MYO7A: variants seen among roughly 807,000 people sequenced by gnomAD.
MYO7A encodes the protein unconventional myosin-VIIa.
Under a neutral mutation model 263.8 loss-of-function variants are expected in MYO7A, and 210 were observed. The ratio of observed to expected loss-of-function variants is 0.80; its 90% CI spans 0.71 to 0.89. The LOEUF (loss-of-function observed/expected upper bound fraction) is 0.89. MYO7A is among the 40% of genes least tolerant of loss of function. The pLI is 0.00. For missense variants in MYO7A, 2,820 were observed against 2,968.3 expected (o/e 0.95, Z 1.16); for synonymous variants, 1,239 against 1,197.3 (o/e 1.03, Z -0.72).
chr11:77,184,221 A>G (rs1955486272), intron 26 of MYO7A, among the ~76,000 whole-genome samples: 1 of 151,964 alleles, frequency 6.6e-6, no homozygotes, highest in Non-Finnish European at 1.5e-5. Context: ...TGCCACAGTT[A>G]TGTTGGCGGG....
rs1215158514 is a variant in MYO7A at position 77,195,756 on chromosome 11, G to GT, written c.4323+1237dup. On this transcript the variant is annotated intron_variant, in intron 32 of 48. Coordinates refer to ENST00000409709, the MANE Select transcript of MYO7A (RefSeq NM_000260.4). Reference sequence around the variant, plus strand: ...ATAGAATGGACAGTTGTGAATCACAGTTTTTGTAGGGTGGGAGGGTGCATT... The same window carrying GT: ...ATAGAATGGACAGTTGTGAATCACAGTTTTTTGTAGGGTGGGAGGGTGCATT... Among the ~76,000 whole-genome samples the GT allele has an allele frequency of 3.9e-5, 6 of 152,334 alleles. No homozygotes were observed. The South Asian group carries it at 1.2e-3, about 32-fold the overall frequency.
chr11:77,148,058 G>A, intron 4 of MYO7A, 108 bp downstream of exon 4: 1 of 1,040,850 alleles, frequency 9.6e-7, no homozygotes, highest in Non-Finnish European at 1.3e-6. Flanking sequence ...CCGGGGCCCT[G>A]CCTCCTGAGA....
rs1488894035 is a variant in MYO7A, at chr11:77,203,128, G to A, written c.5237G>A (p.Ser1746Asn). 6.5e-7 allele frequency: 1 copy of A among 1,550,286 alleles called. No homozygotes were observed. Among genetic ancestry groups the A allele is most frequent in the South Asian group, 1.2e-5 (1 of 84,030 alleles). ...GCCCGAGGCAAGGACCGGCTGTGGA[G>A]CCACACGCGGGAACCGCTCAAGCAG... ...SKARGKDRLW[S>N]HTREPLKQAL... The change falls in exon 38 of 49, where the codon AGC becomes AAC. Residue 1746 changes from serine to asparagine, a missense_variant. Ser to Asn is a conservative substitution (Grantham distance 46). Coordinates refer to ENST00000409709, the MANE Select transcript of MYO7A (RefSeq NM_000260.4).
rs775641845 is a variant in MYO7A, at chr11:77,189,943, C to T, written c.3631-77C>T. 6.4e-5 allele frequency: 92 copies of T among 1,446,930 alleles called. 1 individual carries two copies. Among genetic ancestry groups the T allele is most frequent in the South Asian group, 5.2e-4 (35 of 67,750 alleles). 89.6% of individuals were successfully genotyped at this position (1,446,930 alleles called of 1,614,324 possible). A position where few individuals can be genotyped will look rare whatever the true frequency, so the allele number is the denominator to read the frequency against. Reference sequence around the variant, plus strand: ...GCCTGGAGGAGCGGCCTCCAAGTGCCGGGAGGGCCTGGCGGCTGCCCTCAA... The same window carrying T: ...GCCTGGAGGAGCGGCCTCCAAGTGCTGGGAGGGCCTGGCGGCTGCCCTCAA... On this transcript the variant is annotated intron_variant, in intron 28 of 48. Transcript: ENST00000409709.
At chr11:77,180,557 G>C in intron 22 of MYO7A, 76 bp downstream of exon 22, 1 of 1,273,900 alleles carries the variant, frequency 7.8e-7, no homozygotes, top group Non-Finnish European at 1.1e-6. Context: ...CTTCTCATCT[G>C]TCACCCGGTG....
rs117137722 is a variant in MYO7A at position 77,157,622 on chromosome 11, C to T, written c.849+230C>T. Among the ~76,000 whole-genome samples the T allele has an allele frequency of 0.024, 3,629 of 152,186 alleles. 47 individuals are homozygous for T. Among genetic ancestry groups the T allele is most frequent in the Middle Eastern group, 0.054 (16 of 294 alleles). On this transcript the variant is annotated intron_variant, in intron 8 of 48. Transcript: ENST00000409709. ...CGGCAGGCTGGCTTGGGAAGCACCA[C>T]TCCTTTAGCCATGGGGAGAGCCCAT...
chr11:77,201,330 G>A, intron 35 of MYO7A, 118 bp from the exon 36 acceptor site: 1 of 1,001,062 alleles, frequency 1.0e-6, no homozygotes, highest in Non-Finnish European at 1.5e-6. Context: ...TTGTGACAAG[G>A]TGGAGGCAGA....
intron 2 of MYO7A, among the ~76,000 whole-genome samples, chr11:77,133,564 A>G (rs79762454): frequency 0.04 from 6,034 of 152,288 alleles, 159 homozygotes; most frequent in Middle Eastern, 0.058. Context: ...ATGGAATACT[A>G]TTTGCATGAA....
intron 2 of MYO7A, among the ~76,000 whole-genome samples, chr11:77,141,626 T>A (rs549524281): frequency 6.6e-6 from 1 of 152,326 alleles, no homozygotes; most frequent in East Asian, 1.9e-4. Context: ...TTCTCTGAGC[T>A]CCCTCTCGCC....
At chr11:77,133,387 T>A (rs1950822088) in intron 2 of MYO7A, among the ~76,000 whole-genome samples, 1 of 152,176 alleles carries the variant, frequency 6.6e-6, no homozygotes, top group African/African-American at 2.4e-5. Context: ...TTGGCCCAGA[T>A]TTGTGGGCAG....
rs1951680429 is a variant in MYO7A at position 77,147,785 on chromosome 11, T to C, written c.133-13T>C. The C allele has an allele frequency of 1.9e-6, 3 of 1,608,386 alleles. No individual in the cohort carries two copies. The East Asian group carries it at 6.7e-5, about 36-fold the overall frequency. ...GCCCCAGGAGAGCACGCTGACGTTCTGGCTCCCCGCAGGAACACTGGATCT... is the reference window on the plus strand; with the variant it reads ...GCCCCAGGAGAGCACGCTGACGTTCCGGCTCCCCGCAGGAACACTGGATCT... On this transcript the variant is annotated splice_polypyrimidine_tract_variant and intron_variant, in intron 3 of 48. Coordinates refer to ENST00000409709, the MANE Select transcript of MYO7A (RefSeq NM_000260.4).
At position 77,142,754 on chromosome 11, in the gene MYO7A, G is replaced by A. The variant is rs376701580; in HGVS notation, c.64G>A (p.Val22Met). 1.5e-5 allele frequency: 24 copies of A among 1,612,178 alleles called. No homozygotes were observed. Among genetic ancestry groups the A allele is most frequent in the Middle Eastern group, 1.6e-4 (1 of 6,062 alleles). ...MDLRLGQEFD[V>M]PIGAVVKLCD... ...CCTGAGATTGGGGCAGGAGTTCGACGTGCCCATCGGGGCGGTGGTGAAGCT... is the reference window on the plus strand; with the variant it reads ...CCTGAGATTGGGGCAGGAGTTCGACATGCCCATCGGGGCGGTGGTGAAGCT... Residue 22 changes from valine (V) to methionine (M), a missense_variant, in exon 3 of 49, where the codon GTG becomes ATG. Transcript: ENST00000409709.
chr11:77,157,068 C>A lies in MYO7A; in HGVS notation c.735+64C>A, dbSNP rs546553804. On this transcript the variant is annotated intron_variant, in intron 7 of 48. Transcript: ENST00000409709. ...CCCCTGGCCTCAGGGGTCTGCGTGG[C>A]CCACCTGCCCGTATTGCTGCCCGTA... 1,088 of 1,571,426 alleles carry A rather than the reference C, an allele frequency of 6.9e-4. 8 individuals carry two copies. In the African/African-American group the frequency reaches 0.013, roughly 19 times the overall value.
chr11:77,150,263 C>T (rs1295535463), intron 4 of MYO7A, among the ~76,000 whole-genome samples: 1 of 152,238 alleles, frequency 6.6e-6, no homozygotes, highest in African/African-American at 2.4e-5. Flanking sequence ...GGGCATGAAG[C>T]ATGTGGGTCA....
chr11:77,175,888 G>A (rs1266727761), intron 18 of MYO7A, among the ~76,000 whole-genome samples: 2 of 152,212 alleles, frequency 1.3e-5, no homozygotes, highest in African/African-American at 2.4e-5. Context: ...CCGTGCTGGG[G>A]TCCGCAGCAT....
chr11:77,212,872 G>A, intron 46 of MYO7A, 80 bp from the exon 47 acceptor site: 1 of 1,155,094 alleles, frequency 8.7e-7, no homozygotes, highest in Non-Finnish European at 1.3e-6. Context: ...TATCCCAGCT[G>A]GGGCCAGGCT....
intron 3 of MYO7A, among the ~76,000 whole-genome samples, chr11:77,144,836 G>C (rs988175013): frequency 2.0e-5 from 3 of 152,172 alleles, no homozygotes; most frequent in Non-Finnish European, 4.4e-5. Flanking sequence ...AGCCATTTCT[G>C]TTGCCAGATA....
Position 77,194,388 on chromosome 11 carries a change from A to T in MYO7A, c.4187A>T (p.Tyr1396Phe), listed in dbSNP as rs1956483607. Residue 1396 changes from tyrosine to phenylalanine, a missense_variant, in exon 32 of 49, where the codon TAC becomes TTC. Transcript: ENST00000409709. ...DDLAELASQQ[Y>F]FVDYGSEMIL... ...CTGGCTGAGCTGGCCTCCCAGCAGT[A>T]CTTTGTAGACTATGGCTCTGAGATG... The T allele has an allele frequency of 1.2e-6, 2 of 1,612,708 alleles. No individual in the cohort carries two copies. Among genetic ancestry groups the T allele is most frequent in the Non-Finnish European group, 1.7e-6 (2 of 1,179,452 alleles).
chr11:77,179,369 G>A (rs1183034817), intron 20 of MYO7A, among the ~76,000 whole-genome samples: 1 of 152,220 alleles, frequency 6.6e-6, no homozygotes, highest in Non-Finnish European at 1.5e-5. Context: ...GGGGTTGGGA[G>A]CACTCTGGGA....
Sources: gnomAD v4.1 joint callset for allele counts (sites outside exome capture counted in the v4.1 genomes callset) on GRCh38, gnomAD v4.1.1 for gene constraint, MANE v1.5 for transcripts, NCBI Gene and HGNC (gene_info 2026-07-23, HGNC 2026-07-21) for gene names.